Variants in ESRRG observed in about 807,000 individuals in gnomAD.
ESRRG encodes the protein estrogen-related receptor gamma.
Under a neutral mutation model 44.0 loss-of-function variants are expected in ESRRG, and 13 were observed. That is an observed-to-expected ratio of 0.30 (90% CI 0.19 to 0.47). The LOEUF (loss-of-function observed/expected upper bound fraction) is 0.47, where lower values mean the gene tolerates loss of function less well. ESRRG is among the 20% of genes least tolerant of loss of function. ESRRG has a pLI of 1.00. For synonymous variants in ESRRG, 215 were observed against 214.6 expected (o/e 1.00, Z -0.02); for missense variants, 395 against 580.6 (o/e 0.68, Z 3.29).
rs572225803 is a variant in ESRRG, at chr1:216,988,216, C to A, written c.-105-48543G>T. On this transcript the variant is annotated intron_variant, in intron 1 of 7. Coordinates refer to the ESRRG transcript ENST00000359162. ...TAATTCCTATTACTTTACTTATTAT[C>A]ATCAAGTCCAGAAGCCATATATGGC... Among the ~76,000 whole-genome samples, 402 of 152,296 alleles carry A rather than the reference C, an allele frequency of 2.6e-3. 2 individuals carry two copies. Among genetic ancestry groups the A allele is most frequent in the Non-Finnish European group, 4.4e-3 (298 of 68,022 alleles).
chr1:217,106,883 A>C (rs1466262673), intron 1 of ESRRG, among the ~76,000 whole-genome samples: 1 of 152,164 alleles, frequency 6.6e-6, no homozygotes, highest in Non-Finnish European at 1.5e-5. Flanking sequence ...GCCTCTTTTT[A>C]TACTTTCACC....
chr1:216,594,652 T>C (rs74141617), intron 3 of ESRRG, among the ~76,000 whole-genome samples: 4,542 of 152,298 alleles, frequency 0.03, 191 homozygotes, highest in African/African-American at 0.099. Context: ...ATCACAGCTC[T>C]ATCGTTTTCT....
At chr1:216,566,390 C>A (rs2059687683) in intron 4 of ESRRG, among the ~76,000 whole-genome samples, 1 of 152,148 alleles carries the variant, frequency 6.6e-6, no homozygotes, top group African/African-American at 2.4e-5. Context: ...ATTAGGAGTC[C>A]TCTTTATCTG....
At chr1:216,763,042 T>C (rs1251219718) in intron 2 of ESRRG, among the ~76,000 whole-genome samples, 1 of 152,026 alleles carries the variant, frequency 6.6e-6, no homozygotes, top group Non-Finnish European at 1.5e-5. Context: ...TTACCATTTA[T>C]AGGCTAAAAA....
intron 2 of ESRRG, among the ~76,000 whole-genome samples, chr1:216,840,553 G>A (rs555408657): frequency 3.9e-5 from 6 of 152,104 alleles, no homozygotes; most frequent in Non-Finnish European, 7.4e-5. Flanking sequence ...TGGCTAACTG[G>A]TGCAAGAGAC....
chr1:216,900,590 C>T (rs756423503), intron 2 of ESRRG, among the ~76,000 whole-genome samples: 2 of 152,126 alleles, frequency 1.3e-5, no homozygotes, highest in Non-Finnish European at 2.9e-5. Context: ...TAATCCTAAG[C>T]TATGTGCCAT....
chr1:216,524,165 C>T (rs1003171430), intron 5 of ESRRG, among the ~76,000 whole-genome samples: 6 of 149,740 alleles, frequency 4.0e-5, no homozygotes, highest in African/African-American at 1.5e-4. Context: ...AGACATATCA[C>T]TTTGTCCTAT....
intron 1 of ESRRG, among the ~76,000 whole-genome samples, chr1:216,697,456 A>G (rs1212218956): frequency 6.6e-6 from 1 of 152,144 alleles, no homozygotes; most frequent in Non-Finnish European, 1.5e-5. Context: ...AATTTACACA[A>G]TGTTATACCA....
intron 2 of ESRRG, among the ~76,000 whole-genome samples, chr1:216,653,927 A>G (rs1475935688): frequency 1.3e-5 from 2 of 150,488 alleles, no homozygotes; most frequent in Non-Finnish European, 3.0e-5. Context: ...CAGCTTGGCT[A>G]ACATGGCAAA....
chr1:216,534,821 C>G (rs530313501), intron 5 of ESRRG, among the ~76,000 whole-genome samples: 15 of 152,122 alleles, frequency 9.9e-5, no homozygotes, highest in Admixed American at 2.0e-4. Context: ...GTTGTGGCAA[C>G]ATCATGGAGC....
chr1:216,615,736 C>CTTTT (rs60874199), intron 3 of ESRRG, among the ~76,000 whole-genome samples: 2 of 137,238 alleles, frequency 1.5e-5, no homozygotes, highest in East Asian at 2.1e-4. Context: ...ATTTCTCTCT[C>CTTTT]TTTTTTTTTT....
At chr1:216,946,231 C>T (rs775759181) in intron 1 of ESRRG, among the ~76,000 whole-genome samples, 2 of 152,086 alleles carry the variant, frequency 1.3e-5, no homozygotes, top group Non-Finnish European at 2.9e-5. Context: ...GTAGAGAGAC[C>T]ACAGTCTTCA....
intron 2 of ESRRG, among the ~76,000 whole-genome samples, chr1:216,827,258 A>G (rs2095413256): frequency 6.6e-6 from 1 of 152,216 alleles, no homozygotes; most frequent in African/African-American, 2.4e-5. Flanking sequence ...ATCTGATTTT[A>G]GTGAAAAAGA....
intron 2 of ESRRG, among the ~76,000 whole-genome samples, chr1:216,828,716 A>G (rs2095437862): frequency 1.3e-5 from 2 of 152,210 alleles, no homozygotes; most frequent in Non-Finnish European, 2.9e-5. Context: ...TTAATTTTTC[A>G]TGCCTAGTTA....
At chr1:217,019,350 G>C (rs1579576873) in intron 1 of ESRRG, among the ~76,000 whole-genome samples, 7 of 152,314 alleles carry the variant, frequency 4.6e-5, no homozygotes, top group Admixed American at 4.6e-4. Flanking sequence ...TAGGTCCATA[G>C]AATTTTTCAT....
chr1:216,941,549 A>T (rs2065226928), intron 1 of ESRRG, among the ~76,000 whole-genome samples: 1 of 152,160 alleles, frequency 6.6e-6, no homozygotes, highest in African/African-American at 2.4e-5. Context: ...CTCAAAGCAG[A>T]GGCATTCACC....
chr1:216,879,500 A>T (rs920220702), intron 2 of ESRRG, among the ~76,000 whole-genome samples: 1 of 151,394 alleles, frequency 6.6e-6, no homozygotes, highest in African/African-American at 2.4e-5. Flanking sequence ...AAAAAAAAAA[A>T]AAAAAGAAGA....
At chr1:217,061,634 T>C (rs971529751) in intron 1 of ESRRG, among the ~76,000 whole-genome samples, 1 of 152,116 alleles carries the variant, frequency 6.6e-6, no homozygotes, top group Non-Finnish European at 1.5e-5. Context: ...CCAAGATAGT[T>C]TCTTTATTAA....
chr1:216,569,715 T>C (rs2149635704), intron 3 of ESRRG, among the ~76,000 whole-genome samples: 1 of 152,336 alleles, frequency 6.6e-6, no homozygotes, highest in Admixed American at 6.5e-5. Flanking sequence ...TGTAAAAGTA[T>C]TCATTAAGAA....
Sources: gnomAD v4.1 joint callset for allele counts (sites outside exome capture counted in the v4.1 genomes callset) on GRCh38, gnomAD v4.1.1 for gene constraint, MANE v1.5 for transcripts, NCBI Gene and HGNC (gene_info 2026-07-23, HGNC 2026-07-21) for gene names.